Variants in ARPP19 observed in about 807,000 individuals in gnomAD.
ARPP19 encodes cAMP-regulated phosphoprotein 19.
A neutral mutation model predicts 12.0 loss-of-function variants in ARPP19; 8 were observed. The observed-to-expected ratio is 0.67, with a 90% confidence interval of 0.39 to 1.21. The LOEUF (loss-of-function observed/expected upper bound fraction) is 1.21. Among genes scored for constraint, ARPP19 ranks in the 50% most tolerant of loss-of-function variants. The pLI is 0.01. For missense variants in ARPP19, 102 were observed against 136.3 expected (o/e 0.75, Z 1.25); for synonymous variants, 47 against 50.4 (o/e 0.93, Z 0.29).
intron 2 of ARPP19, among the ~76,000 whole-genome samples, chr15:52,555,209 T>C (rs2077970549): frequency 6.6e-6 from 1 of 151,906 alleles, no homozygotes. Context: ...CAACACCAAC[T>C]CCAAGATACA....
chr15:52,551,997 AATGT>A lies in ARPP19; in HGVS notation c.272_275del (p.His91LeufsTer23). ...GTTGAGGAAGGTCTTGCGGAGTGGG[AATGT>A]GGTCACCAGTGACCTCCGTCTTATC... On this transcript the variant is annotated frameshift_variant, in exon 3 of 3. Coordinates refer to ENST00000249822, the MANE Select transcript of ARPP19 (RefSeq NM_006628.6). LOFTEE classifies it high-confidence loss of function. 1 of 1,612,842 alleles carries A rather than the reference AATGT, an allele frequency of 6.2e-7. No homozygotes were observed.
chr15:52,565,064 G>A (rs2078069095), intron 1 of ARPP19, among the ~76,000 whole-genome samples: 2 of 149,610 alleles, frequency 1.3e-5, no homozygotes, highest in Admixed American at 1.3e-4. Flanking sequence ...TTTGAGACAG[G>A]GTCTCCCTCA....
At position 52,551,926 on chromosome 15, in the gene ARPP19, C is replaced by A; in HGVS notation, c.*8G>T. The A allele has an allele frequency of 6.2e-7, 1 of 1,605,812 alleles. No individual in the cohort carries two copies. The highest frequency in any genetic ancestry group is 2.2e-5 in the East Asian group (1 of 44,846). On this transcript the variant is annotated 3_prime_UTR_variant, in exon 3 of 3. Transcript: ENST00000249822. ...GATTTAGCAGATTCATGCAGTTCAG[C>A]CTCTTAATCAGCCAGCCAGCTTGCT... is the stretch of plus-strand genomic sequence containing the variant.
intron 1 of ARPP19, among the ~76,000 whole-genome samples, chr15:52,562,038 A>G (rs1224498087): frequency 1.3e-5 from 2 of 151,256 alleles, no homozygotes; most frequent in African/African-American, 4.9e-5. Context: ...TTGGCCTCCC[A>G]AAGTGCTGGG....
chr15:52,569,234 G>A, upstream of ARPP19: 1 of 339,558 alleles, frequency 2.9e-6, no homozygotes, highest in Non-Finnish European at 5.4e-6. Context: ...GGGAATTGTA[G>A]TTTCTAAGTG....
In ARPP19 at chr15:52,549,358, C is replaced by CA. The variant is rs879259910; in HGVS notation, c.*2575dup. On this transcript the variant is annotated 3_prime_UTR_variant, in exon 3 of 3. Coordinates refer to ENST00000249822, the MANE Select transcript of ARPP19 (RefSeq NM_006628.6). ...CAATAAACTGAGCTTTGAGGCAGAA[C>CA]AAAAAAAAAACAAAAATCTAAAACC... 258 of 141,980 alleles carry CA rather than the reference C, an allele frequency of 1.8e-3. No individual in the cohort carries two copies. The highest frequency in any genetic ancestry group is 5.6e-3 in the South Asian group (24 of 4,252). The allele number at this position is 141,980 out of a possible 1,614,324, so 8.8% of individuals were successfully genotyped here.
At position 52,551,912 on chromosome 15, in the gene ARPP19, T is replaced by C. The variant is rs763475402; in HGVS notation, c.*22A>G. ...AGGAGAAATAATGAGATTTAGCAGA[T>C]TCATGCAGTTCAGCCTCTTAATCAG... On this transcript the variant is annotated 3_prime_UTR_variant, in exon 3 of 3. Coordinates refer to ENST00000249822, the MANE Select transcript of ARPP19 (RefSeq NM_006628.6). 6.4e-7 allele frequency: 1 copy of C among 1,573,172 alleles called. No homozygotes were observed. Among genetic ancestry groups the C allele is most frequent in the South Asian group, 1.1e-5 (1 of 88,110 alleles).
rs955782824 is a variant in ARPP19, at chr15:52,547,324, C to T, written c.*4610G>A. ...ACAAATTCAGCATTAACTGCCAACT[C>T]TATAGACATGTTTTAACAAAAAGCA... On this transcript the variant is annotated 3_prime_UTR_variant, in exon 3 of 3. Coordinates refer to ENST00000249822, the MANE Select transcript of ARPP19 (RefSeq NM_006628.6). 2 of 149,938 alleles carry T rather than the reference C, an allele frequency of 1.3e-5. No homozygotes were observed. The highest frequency in any genetic ancestry group is 4.9e-5 in the African/African-American group (2 of 40,984). 9.3% of individuals were successfully genotyped at this position (149,938 alleles called of 1,614,324 possible). A position where few individuals can be genotyped will look rare whatever the true frequency, so the allele number is the denominator to read the frequency against.
intron 2 of ARPP19, 81 bp from the exon 3 acceptor site, chr15:52,552,185 G>T: frequency 1.3e-6 from 1 of 767,170 alleles, no homozygotes; most frequent in Non-Finnish European, 2.2e-6. Context: ...CATACTGTCC[G>T]TATAAGGTTG....
rs1448746470 is a variant in ARPP19 at position 52,554,893 on chromosome 15, TTAA to T, written c.168+2204_168+2206del. On this transcript the variant is annotated intron_variant, in intron 2 of 2. Transcript: ENST00000249822. ...TAATAACATTAACCTCATAATAACA[TTAA>T]TGAGTACAACACAAGAAGAGACCTA... 7.9e-5 allele frequency among the ~76,000 whole-genome samples: 12 copies of T among 152,234 alleles called. No homozygotes were observed. In the South Asian group the frequency reaches 2.1e-3, roughly 26 times the overall value.
At chr15:52,568,620 G>A in intron 1 of ARPP19, 3 of 461,596 alleles carry the variant, frequency 6.5e-6, no homozygotes, top group South Asian at 8.3e-5. Flanking sequence ...CGCGACCCAC[G>A]GAGGTGTTAC....
intron 1 of ARPP19, chr15:52,564,267 T>C (rs1357215000): frequency 1.5e-5 from 23 of 1,526,334 alleles, no homozygotes; most frequent in Non-Finnish European, 2.0e-5. Flanking sequence ...ATAGAAAACA[T>C]GGATGAGGCG....
At chr15:52,565,514 T>C (rs552721692) in intron 1 of ARPP19, among the ~76,000 whole-genome samples, 1 of 152,372 alleles carries the variant, frequency 6.6e-6, no homozygotes, top group South Asian at 2.1e-4. Flanking sequence ...ACGTTGCATC[T>C]AAGTAGTGCT....
upstream of ARPP19, chr15:52,569,162 TC>T: frequency 2.1e-6 from 1 of 482,730 alleles, no homozygotes; most frequent in Non-Finnish European, 3.6e-6. Flanking sequence ...CTTCCTTTTT[TC>T]CTTCAAAGGT....
intron 1 of ARPP19, among the ~76,000 whole-genome samples, chr15:52,563,868 A>C (rs1183539518): frequency 1.3e-5 from 2 of 152,224 alleles, no homozygotes; most frequent in African/African-American, 2.4e-5. Flanking sequence ...CTCTATGGAA[A>C]ATTACTGTTG....
At chr15:52,564,350 G>T (rs924707216) in intron 1 of ARPP19, 1 of 778,874 alleles carries the variant, frequency 1.3e-6, no homozygotes, top group South Asian at 1.5e-5. Context: ...AGTTCAAGGC[G>T]GCAATATGCT....
At position 52,568,940 on chromosome 15, in the gene ARPP19, G is replaced by C; in HGVS notation, c.-48C>G. The C allele has an allele frequency of 6.8e-7, 1 of 1,467,602 alleles. No individual in the cohort carries two copies. Among genetic ancestry groups the C allele is most frequent in the Non-Finnish European group, 9.3e-7 (1 of 1,078,396 alleles). 90.9% of individuals were successfully genotyped at this position (1,467,602 alleles called of 1,614,324 possible). A position where few individuals can be genotyped will look rare whatever the true frequency, so the allele number is the denominator to read the frequency against. ...CGCCGGGAAAAGATGCAATTAGCGG[G>C]TGGCCGAGGCCACCCGGCCGCCGCC... is the stretch of plus-strand genomic sequence containing the variant. On this transcript the variant is annotated 5_prime_UTR_variant, in exon 1 of 3. Coordinates refer to ENST00000249822, the MANE Select transcript of ARPP19 (RefSeq NM_006628.6).
intron 2 of ARPP19, among the ~76,000 whole-genome samples, chr15:52,552,435 A>T (rs1449155294): frequency 1.3e-5 from 2 of 151,766 alleles, no homozygotes; most frequent in African/African-American, 4.8e-5. Flanking sequence ...ACAAAAAACA[A>T]ACATTAGCTG....
chr15:52,561,912 C>T (rs55997353), intron 1 of ARPP19, among the ~76,000 whole-genome samples: 31,220 of 148,822 alleles, frequency 0.21, 3,836 homozygotes, highest in Non-Finnish European at 0.28. Context: ...CTTACCAAAA[C>T]AGAGCTAGTG....
Sources: allele counts gnomAD v4.1 joint callset (sites outside exome capture counted in the v4.1 genomes callset), GRCh38; gene constraint gnomAD v4.1.1; transcripts MANE v1.5; gene names NCBI Gene and HGNC (gene_info 2026-07-23, HGNC 2026-07-21).